MBOAT2: variants seen among roughly 807,000 people sequenced by gnomAD.
The protein encoded by MBOAT2 is membrane-bound glycerophospholipid O-acyltransferase 2.
A neutral mutation model predicts 63.4 loss-of-function variants in MBOAT2; 28 were observed. The ratio of observed to expected loss-of-function variants is 0.44; its 90% CI spans 0.33 to 0.61. The LOEUF (loss-of-function observed/expected upper bound fraction) is 0.61. MBOAT2 is among the 20% of genes least tolerant of loss of function. The probability of loss-of-function intolerance (pLI) is 0.03; values close to 1 mark genes in which losing one functional copy is unlikely to be tolerated. For synonymous variants in MBOAT2, 211 were observed against 215.6 expected, an observed-to-expected ratio of 0.98 and a Z score of 0.19; for missense variants, 470 against 605.8, an observed-to-expected ratio of 0.78 and a Z score of 2.35.
At position 8,937,852 on chromosome 2, in the gene MBOAT2, G is replaced by A. The variant is rs984225760; in HGVS notation, c.299+5335C>T. On this transcript the variant is annotated intron_variant, in intron 3 of 12. Coordinates refer to ENST00000305997, the MANE Select transcript of MBOAT2 (RefSeq NM_138799.4). ...TGCTAGGCCCTGGGGATGAAGCCGC[G>A]TGTGAGACAGACAGGACATGCTCCT... 7.9e-5 allele frequency among the ~76,000 whole-genome samples: 12 copies of A among 152,276 alleles called. 1 individual carries two copies. The highest frequency in any genetic ancestry group is 7.2e-4 in the Admixed American group (11 of 15,296).
chr2:8,864,251 CT>C lies in MBOAT2; in HGVS notation c.988-18del, dbSNP rs761363613. ...TGTTGACATCTGAAAAAAAAGGAAA[CT>C]TTTTTCTTTGTGTCACAAAATAATG... On this transcript the variant is annotated intron_variant, in intron 9 of 12. Coordinates refer to ENST00000305997, the MANE Select transcript of MBOAT2 (RefSeq NM_138799.4). 2.0e-6 allele frequency: 3 copies of C among 1,502,014 alleles called. No individual in the cohort carries two copies. Among genetic ancestry groups the C allele is most frequent in the South Asian group, 1.3e-5 (1 of 77,558 alleles). The allele number at this position is 1,502,014 out of a possible 1,614,324, so 93.0% of individuals were successfully genotyped here.
chr2:8,981,439 C>T lies in MBOAT2; in HGVS notation c.75+22101G>A, dbSNP rs534455567. ...TCAAGATGAAATACAGATATGCTGT[C>T]GCCCCCAACAGCCCCATTCCATGTA... On this transcript the variant is annotated intron_variant, in intron 1 of 12. Transcript: ENST00000305997. Among the ~76,000 whole-genome samples the T allele has an allele frequency of 3.3e-5, 5 of 152,274 alleles. No individual in the cohort carries two copies. The East Asian group carries it at 5.8e-4, about 18-fold the overall frequency.
At chr2:8,912,290 AAAAGAAAGAAAAG>A (rs1439748664) in intron 3 of MBOAT2, among the ~76,000 whole-genome samples, 27 of 126,038 alleles carry the variant, frequency 2.1e-4, no homozygotes, top group African/African-American at 2.8e-4. Context: ...AGACAGAAGG[AAAAGAAAGAAAAG>A]AAAGAAAGAA....
At chr2:9,002,209 G>T in intron 1 of MBOAT2, among the ~76,000 whole-genome samples, 1 of 152,194 alleles carries the variant, frequency 6.6e-6, no homozygotes, top group East Asian at 1.9e-4. Context: ...ACACCCATTA[G>T]AACTCTTGTT....
At chr2:8,912,510 A>G (rs866791513) in intron 3 of MBOAT2, among the ~76,000 whole-genome samples, 3 of 152,216 alleles carry the variant, frequency 2.0e-5, no homozygotes, top group African/African-American at 7.2e-5. Context: ...TGGATACAAG[A>G]TTAACGTACA....
intron 4 of MBOAT2, 150 bp downstream of exon 4, chr2:8,908,469 AAG>A (rs1220188866): frequency 1.7e-6 from 1 of 577,134 alleles, no homozygotes. Flanking sequence ...GACTACTTAC[AAG>A]AGAGAAATTC....
chr2:8,967,068 A>G (rs1573194895), intron 1 of MBOAT2, among the ~76,000 whole-genome samples: 1 of 152,330 alleles, frequency 6.6e-6, no homozygotes, highest in East Asian at 1.9e-4. Flanking sequence ...AATTCAGAGG[A>G]ATATATATAC....
chr2:8,874,435 T>C (rs2148526508), intron 7 of MBOAT2, among the ~76,000 whole-genome samples: 1 of 152,316 alleles, frequency 6.6e-6, no homozygotes, highest in South Asian at 2.1e-4. Context: ...TAATTATAAA[T>C]GAAGCAAGGT....
intron 1 of MBOAT2, among the ~76,000 whole-genome samples, chr2:9,000,290 C>A (rs1477448777): frequency 6.6e-6 from 1 of 152,128 alleles, no homozygotes; most frequent in Non-Finnish European, 1.5e-5. Context: ...GTGATTATAA[C>A]AAATTCATAA....
At chr2:8,866,688 T>C (rs751267439) in intron 9 of MBOAT2, among the ~76,000 whole-genome samples, 72 of 152,342 alleles carry the variant, frequency 4.7e-4, no homozygotes, top group Non-Finnish European at 9.1e-4. Flanking sequence ...TCAATCAGCA[T>C]CCCAAAAAAG....
intron 1 of MBOAT2, among the ~76,000 whole-genome samples, chr2:8,963,539 G>C (rs754151288): frequency 2.0e-5 from 3 of 152,112 alleles, no homozygotes; most frequent in Non-Finnish European, 2.9e-5. Flanking sequence ...CTGACCTCAA[G>C]TGATCCACCC....
intron 3 of MBOAT2, among the ~76,000 whole-genome samples, chr2:8,911,413 A>C (rs147356433): frequency 2.0e-5 from 3 of 152,274 alleles, no homozygotes; most frequent in African/African-American, 7.2e-5. Context: ...GCCATCAATA[A>C]CATCCCTCCC....
At position 8,877,033 on chromosome 2, in the gene MBOAT2, T is replaced by C. The variant is rs1662747277; in HGVS notation, c.687A>G (p.Pro229=). 8 of 1,606,976 alleles carry C rather than the reference T, an allele frequency of 5.0e-6. No individual in the cohort carries two copies. The highest frequency in any genetic ancestry group is 6.8e-6 in the Non-Finnish European group (8 of 1,177,578). ...CAGATAAATCTCATGACCTTACATT[T>C]GGAGATGGCTCTGTTCTTTCATACT... The part of the protein sequence containing the change: ...ETQYERTEPS[P]NTAVVQKLLV... Residue 229 remains proline, a synonymous_variant, in exon 7 of 13, where the codon CCA becomes CCG. Coordinates refer to ENST00000305997, the MANE Select transcript of MBOAT2 (RefSeq NM_138799.4).
At chr2:8,868,633 T>G in intron 8 of MBOAT2, 84 bp from the exon 9 acceptor site, 1 of 1,066,066 alleles carries the variant, frequency 9.4e-7, no homozygotes, top group Non-Finnish European at 1.4e-6. Flanking sequence ...TGTTATTATA[T>G]CTTTTATTCT....
At chr2:8,896,725 T>C (rs1213080339) in intron 4 of MBOAT2, among the ~76,000 whole-genome samples, 1 of 152,240 alleles carries the variant, frequency 6.6e-6, no homozygotes, top group Non-Finnish European at 1.5e-5. Context: ...CTCACACGTT[T>C]GAGCAGACCA....
At chr2:8,890,877 T>C (rs1289236456) in intron 4 of MBOAT2, among the ~76,000 whole-genome samples, 1 of 152,234 alleles carries the variant, frequency 6.6e-6, no homozygotes, top group African/African-American at 2.4e-5. Context: ...TCAAGATCTA[T>C]TATTCCTTCT....
At chr2:8,924,414 C>T (rs988434845) in intron 3 of MBOAT2, among the ~76,000 whole-genome samples, 4 of 152,180 alleles carry the variant, frequency 2.6e-5, no homozygotes, top group Non-Finnish European at 4.4e-5. Context: ...TGCTGTTCTA[C>T]GAAGTGTGGG....
In MBOAT2 at chr2:8,860,731, G is replaced by T. The variant is rs1558543387; in HGVS notation, c.1219C>A (p.Pro407Thr). 1.3e-6 allele frequency: 2 copies of T among 1,595,530 alleles called. No homozygotes were observed. The highest frequency in any genetic ancestry group is 1.7e-6 in the Non-Finnish European group (2 of 1,165,950). The change falls in exon 12 of 13, where the codon CCT becomes ACT. Residue 407 changes from proline (P) to threonine (T), a missense_variant. By Grantham distance (38) the Pro-to-Thr change is conservative. Around this residue, in one of 3 missense-constraint regions of MBOAT2, gnomAD observed 376 missense variants for 503.8 expected, o/e 0.75. Coordinates refer to ENST00000305997, the MANE Select transcript of MBOAT2 (RefSeq NM_138799.4). ...RNNFRHYFIE[P>T]SQLKLFYDVI... ...TCATAAAATAATTTCAGTTGGGAAG[G>T]TTCAATGAAATAATGTCTAAAGTTA...
intron 1 of MBOAT2, among the ~76,000 whole-genome samples, chr2:8,973,956 T>TTTGTAAATTG (rs1323476293): frequency 9.9e-5 from 15 of 152,102 alleles, no homozygotes; most frequent in Non-Finnish European, 1.6e-4. Flanking sequence ...TGCAGCACAG[T>TTTGTAAATTG]GATAATATCA....
Sources: allele counts gnomAD v4.1 joint callset (sites outside exome capture counted in the v4.1 genomes callset), GRCh38; gene constraint gnomAD v4.1.1; regional missense constraint gnomAD v4.1.1; transcripts MANE v1.5; gene names NCBI Gene and HGNC (gene_info 2026-07-23, HGNC 2026-07-21).